XPO5: variants seen among roughly 807,000 people sequenced by gnomAD.
XPO5 encodes the protein exportin 5.
Under a neutral mutation model 160.6 loss-of-function variants are expected in XPO5, and 46 were observed. The ratio of observed to expected loss-of-function variants is 0.29; its 90% confidence interval spans 0.23 to 0.37. The LOEUF (loss-of-function observed/expected upper bound fraction) is 0.37. Among genes scored for constraint, XPO5 ranks in the 10% least tolerant of loss-of-function variants. The pLI is 1.00. For synonymous variants in XPO5, 537 were observed against 519.3 expected, an observed-to-expected ratio of 1.03 and a Z score of -0.46; for missense variants, 1,090 against 1,463.9, an observed-to-expected ratio of 0.74 and a Z score of 4.17.
intron 13 of XPO5, among the ~76,000 whole-genome samples, chr6:43,554,491 C>A (rs1761926826): frequency 6.6e-6 from 1 of 150,892 alleles, no homozygotes; most frequent in Non-Finnish European, 1.5e-5. Context: ...GTGGCACGAT[C>A]TTGGCTCACT....
intron 3 of XPO5, 144 bp downstream of exon 3, chr6:43,572,362 T>C: frequency 1.3e-6 from 1 of 749,214 alleles, no homozygotes; most frequent in Non-Finnish European, 2.2e-6. Flanking sequence ...CAGGTGTGAG[T>C]CACTGTGCCT....
chr6:43,550,563 T>C (rs1424890189), intron 15 of XPO5, among the ~76,000 whole-genome samples: 1 of 152,204 alleles, frequency 6.6e-6, no homozygotes, highest in African/African-American at 2.4e-5. Flanking sequence ...TAACTCTACA[T>C]ACATAATCAC....
At chr6:43,549,793 C>T in intron 16 of XPO5, 100 bp downstream of exon 16, 1 of 1,327,874 alleles carries the variant, frequency 7.5e-7, no homozygotes. Context: ...ACCACCCTTA[C>T]TACCCCCTCC....
chr6:43,524,477 G>A lies in XPO5; in HGVS notation c.3471C>T (p.Cys1157=). ...TTGAAGGTGCATGACCTACCCCAAT[G>A]CAACCAGCAATGAGGCGTTTGAATT... ...KDQFKRLIAG[C]IGKPLGEQFR... Residue 1157 remains cysteine, a synonymous_variant, in exon 31 of 32, where the codon TGC becomes TGT. Coordinates refer to ENST00000265351, the MANE Select transcript of XPO5 (RefSeq NM_020750.3). The A allele has an allele frequency of 6.2e-7, 1 of 1,613,362 alleles. No homozygotes were observed. Among genetic ancestry groups the A allele is most frequent in the Non-Finnish European group, 8.5e-7 (1 of 1,179,838 alleles).
chr6:43,563,062 A>C (rs995944813), intron 8 of XPO5, among the ~76,000 whole-genome samples: 8 of 152,000 alleles, frequency 5.3e-5, no homozygotes, highest in Non-Finnish European at 1.2e-4. Context: ...AGATTCAACT[A>C]CTTATAATAT....
chr6:43,552,361 C>T (rs939564237), intron 14 of XPO5, among the ~76,000 whole-genome samples: 35 of 151,102 alleles, frequency 2.3e-4, no homozygotes, highest in African/African-American at 7.3e-4. Flanking sequence ...CCACCCTTTT[C>T]TTTTTTTTTA....
At chr6:43,575,360 C>A (rs1763251101) in intron 1 of XPO5, among the ~76,000 whole-genome samples, 1 of 152,080 alleles carries the variant, frequency 6.6e-6, no homozygotes, top group Non-Finnish European at 1.5e-5. Context: ...GCAGGAGAGA[C>A]CATAAAGAAC....
In XPO5 at chr6:43,575,750, C is replaced by T. The variant is rs1317964686; in HGVS notation, c.105+10G>A. ...TCGGGACCGGCCCAGGACGCCAGGA[C>T]CCCAGCTACCTTGAGGGCTTCCAGC... On this transcript the variant is annotated intron_variant, in intron 1 of 31. Coordinates refer to ENST00000265351, the MANE Select transcript of XPO5 (RefSeq NM_020750.3). 1.2e-5 allele frequency: 19 copies of T among 1,608,608 alleles called. No homozygotes were observed. In the Admixed American group the frequency reaches 2.0e-4, roughly 17 times the overall value.
chr6:43,557,286 T>A (rs541377855), intron 12 of XPO5, among the ~76,000 whole-genome samples: 17 of 150,744 alleles, frequency 1.1e-4, no homozygotes, highest in Non-Finnish European at 2.2e-4. Flanking sequence ...ATTGGCTGGG[T>A]ATGATGGCAC....
At chr6:43,527,592 C>T (rs1793680728) in intron 26 of XPO5, 42 bp downstream of exon 26, 3 of 1,604,750 alleles carry the variant, frequency 1.9e-6, no homozygotes, top group Admixed American at 1.7e-5. Flanking sequence ...GCTCTTCTTC[C>T]AGGAAAATCC....
chr6:43,575,349 T>C (rs1232298928), intron 1 of XPO5, among the ~76,000 whole-genome samples: 1 of 151,940 alleles, frequency 6.6e-6, no homozygotes, highest in Non-Finnish European at 1.5e-5. Context: ...AAACGTTTAG[T>C]GCAGGAGAGA....
At chr6:43,532,518 G>C (rs1794048125) in intron 21 of XPO5, among the ~76,000 whole-genome samples, 1 of 152,180 alleles carries the variant, frequency 6.6e-6, no homozygotes, top group Admixed American at 6.5e-5. Flanking sequence ...TCCCAGACTA[G>C]CTCCCTGTGC....
rs771317100 is a variant in XPO5, at chr6:43,546,770, T to C, written c.2161-18A>G. 11 of 1,505,498 alleles carry C rather than the reference T, an allele frequency of 7.3e-6. No homozygotes were observed. The highest frequency in any genetic ancestry group is 8.0e-6 in the Non-Finnish European group (9 of 1,130,044). 93.3% of individuals were successfully genotyped at this position (1,505,498 alleles called of 1,614,324 possible). ...AAGCTCATCTATAGAAAAATAAGAA[T>C]GACAGATAAATATTAAAAGGAAAAA... On this transcript the variant is annotated intron_variant, in intron 19 of 31. Coordinates refer to ENST00000265351, the MANE Select transcript of XPO5 (RefSeq NM_020750.3).
intron 5 of XPO5, among the ~76,000 whole-genome samples, chr6:43,569,508 C>A (rs778514163): frequency 2.0e-5 from 3 of 151,412 alleles, no homozygotes; most frequent in African/African-American, 7.3e-5. Flanking sequence ...CCAAGGCAGG[C>A]GGATTATTTG....
chr6:43,554,306 T>C (rs1458244669), intron 13 of XPO5, among the ~76,000 whole-genome samples: 1 of 151,800 alleles, frequency 6.6e-6, no homozygotes, highest in East Asian at 1.9e-4. Flanking sequence ...AGAGACGAGG[T>C]TTCACCATCT....
chr6:43,557,894 G>A (rs775667163), intron 12 of XPO5, among the ~76,000 whole-genome samples: 2 of 150,954 alleles, frequency 1.3e-5, no homozygotes, highest in African/African-American at 2.4e-5. Context: ...TCGGGAGTTC[G>A]AGACCAGCCT....
chr6:43,550,447 C>T (rs760468936), intron 15 of XPO5, among the ~76,000 whole-genome samples: 43 of 152,186 alleles, frequency 2.8e-4, no homozygotes, highest in Non-Finnish European at 5.7e-4. Context: ...ACAACATTTT[C>T]TTCATTTCTC....
At chr6:43,539,524 C>A (rs964719153) in intron 20 of XPO5, 5 of 1,523,998 alleles carry the variant, frequency 3.3e-6, no homozygotes, top group Non-Finnish European at 4.5e-6. Context: ...TGACGGGCAT[C>A]CACTCCTTAT....
intron 20 of XPO5, among the ~76,000 whole-genome samples, chr6:43,545,672 A>G (rs1354929483): frequency 6.6e-6 from 1 of 151,960 alleles, no homozygotes; most frequent in African/African-American, 2.4e-5. Flanking sequence ...GCACCACTGC[A>G]CTCCCAGCCT....
Sources: gnomAD v4.1 joint callset for allele counts (sites outside exome capture counted in the v4.1 genomes callset) on GRCh38, gnomAD v4.1.1 for gene constraint, MANE v1.5 for transcripts, NCBI Gene and HGNC (gene_info 2026-07-23, HGNC 2026-07-21) for gene names.